KPNA4: variants seen among roughly 807,000 people sequenced by gnomAD.
KPNA4 encodes importin subunit alpha-3.
Under a neutral mutation model 71.3 loss-of-function variants are expected in KPNA4, and 13 were observed. That is an observed-to-expected ratio of 0.18 (90% CI 0.12 to 0.29). The LOEUF is 0.29. Among genes scored for constraint, KPNA4 ranks in the 10% least tolerant of loss-of-function variants. The probability of loss-of-function intolerance (pLI) is 1.00; values close to 1 mark genes in which losing one functional copy is unlikely to be tolerated. For synonymous variants in KPNA4, 189 were observed against 195.2 expected, an observed-to-expected ratio of 0.97 and a Z score of 0.26; for missense variants, 334 against 603.2, an observed-to-expected ratio of 0.55 and a Z score of 4.67.
intron 1 of KPNA4, among the ~76,000 whole-genome samples, chr3:160,542,732 G>A (rs1393086003): frequency 6.6e-6 from 1 of 152,134 alleles, no homozygotes; most frequent in Non-Finnish European, 1.5e-5. Flanking sequence ...TTTAAGAAGT[G>A]ATAAGATTAA....
intron 5 of KPNA4, among the ~76,000 whole-genome samples, chr3:160,534,639 C>T (rs1721645058): frequency 1.4e-5 from 2 of 142,206 alleles, no homozygotes; most frequent in Non-Finnish European, 3.0e-5. Flanking sequence ...AATGCTTGAA[C>T]CCGGGAGGCA....
At chr3:160,540,263 T>C (rs1329690471) in intron 1 of KPNA4, among the ~76,000 whole-genome samples, 1 of 152,122 alleles carries the variant, frequency 6.6e-6, no homozygotes, top group African/African-American at 2.4e-5. Flanking sequence ...CCTCCCAAAG[T>C]GCTGGGATTA....
chr3:160,559,534 A>C (rs1722203262), intron 1 of KPNA4, among the ~76,000 whole-genome samples: 1 of 152,210 alleles, frequency 6.6e-6, no homozygotes, highest in Non-Finnish European at 1.5e-5. Context: ...GTTACATCTG[A>C]AGTGCAAGAC....
rs756310133 is a variant in KPNA4, at chr3:160,565,194, G to T, written c.69+20C>A. 32 of 1,584,968 alleles carry T rather than the reference G, an allele frequency of 2.0e-5. No homozygotes were observed. In the East Asian group the frequency reaches 6.9e-4, roughly 34 times the overall value. Reference sequence around the variant, plus strand: ...CCAGGCCCACAGCCCCCACCCCTCCGGCGTCGTCCCCGAGTTTACCTCCAA... The same window carrying T: ...CCAGGCCCACAGCCCCCACCCCTCCTGCGTCGTCCCCGAGTTTACCTCCAA... On this transcript the variant is annotated intron_variant, in intron 1 of 16. Coordinates refer to ENST00000334256, the MANE Select transcript of KPNA4 (RefSeq NM_002268.5).
In KPNA4 at chr3:160,515,474, T is replaced by A; in HGVS notation, c.1010A>T (p.His337Leu). Residue 337 changes from histidine (H) to leucine (L), a missense_variant, in exon 12 of 17, where the codon CAT (histidine) becomes CTT (leucine). Coordinates refer to ENST00000334256, the MANE Select transcript of KPNA4 (RefSeq NM_002268.5). ...TACTTTATTAATTTTCTCTTTGGGA[T>A]GTGTCAGGAGTGCTGGGAAGTGTGA... The part of the protein sequence containing the change: ...ALSHFPALLT[H>L]PKEKINKEAV... 6 of 1,613,764 alleles carry A rather than the reference T, an allele frequency of 3.7e-6. No individual in the cohort carries two copies. The highest frequency in any genetic ancestry group is 5.1e-6 in the Non-Finnish European group (6 of 1,179,704).
Position 160,531,444 on chromosome 3 carries a change from AAT to A in KPNA4, c.383+16_383+17del, listed in dbSNP as rs748704926. The A allele has an allele frequency of 2.2e-5, 29 of 1,310,588 alleles. No individual in the cohort carries two copies. Among genetic ancestry groups the A allele is most frequent in the Non-Finnish European group, 2.8e-5 (27 of 958,524 alleles). 81.2% of individuals were successfully genotyped at this position (1,310,588 alleles called of 1,614,324 possible). A position where few individuals can be genotyped will look rare whatever the true frequency, so the allele number is the denominator to read the frequency against. On this transcript the variant is annotated intron_variant, in intron 6 of 16. Transcript: ENST00000334256. ...ATACATTCTAAATTAAAAAAAAAAAAATAAATAATGTACTCACTTGTCATCTC... is the reference window on the plus strand; with the variant it reads ...ATACATTCTAAATTAAAAAAAAAAAAAAATAATGTACTCACTTGTCATCTC...
rs1720736529 is a variant in KPNA4, at chr3:160,495,414, A to G, written c.*6690T>C. 1 of 152,166 alleles carries G rather than the reference A, an allele frequency of 6.6e-6. No individual in the cohort carries two copies. The highest frequency in any genetic ancestry group is 2.1e-4 in the South Asian group (1 of 4,830). 9.4% of individuals were successfully genotyped at this position (152,166 alleles called of 1,614,324 possible). A position where few individuals can be genotyped will look rare whatever the true frequency, so the allele number is the denominator to read the frequency against. On this transcript the variant is annotated 3_prime_UTR_variant, in exon 17 of 17. Transcript: ENST00000334256. The stretch of plus-strand genomic sequence containing the variant: ...CAAAAAGAAAACAGGGATAGAGATA[A>G]TGGGTAAAAACTTTTTAGTATTCTT...
At position 160,531,464 on chromosome 3, in the gene KPNA4, G is replaced by T; in HGVS notation, c.381C>A (p.Asp127Glu). The T allele has an allele frequency of 2.0e-6, 3 of 1,472,056 alleles. No individual in the cohort carries two copies. Among genetic ancestry groups the T allele is most frequent in the Non-Finnish European group, 2.8e-6 (3 of 1,082,096 alleles). 91.2% of individuals were successfully genotyped at this position (1,472,056 alleles called of 1,614,324 possible). A position where few individuals can be genotyped will look rare whatever the true frequency, so the allele number is the denominator to read the frequency against. ...AAAAAAATAAATAATGTACTCACTT[G>T]TCATCTCTTTCAAGACAATGGACTA... Reference protein sequence around the residue: ...PILVHCLERDDNPSLQFEAAW... With the variant: ...PILVHCLERDENPSLQFEAAW... Residue 127 changes from aspartate to glutamate, a missense_variant and splice_region_variant, in exon 6 of 17, where the codon GAC becomes GAA. Transcript: ENST00000334256.
intron 1 of KPNA4, among the ~76,000 whole-genome samples, chr3:160,548,124 A>G (rs1345954622): frequency 1.3e-5 from 2 of 151,980 alleles, no homozygotes; most frequent in East Asian, 3.8e-4. Context: ...TGATTGTACC[A>G]TTTTGCCTTC....
intron 13 of KPNA4, among the ~76,000 whole-genome samples, chr3:160,512,746 C>T (rs779232651): frequency 1.3e-5 from 2 of 151,970 alleles, no homozygotes; most frequent in Non-Finnish European, 2.9e-5. Flanking sequence ...GCGCAAGAAT[C>T]GCCTAAACCC....
intron 1 of KPNA4, among the ~76,000 whole-genome samples, chr3:160,549,384 A>AAC: frequency 6.6e-6 from 1 of 151,854 alleles, no homozygotes; most frequent in Non-Finnish European, 1.5e-5. Context: ...AACTTTCTCT[A>AAC]TTTTCTTCTA....
chr3:160,502,227 TG>T, intron 16 of KPNA4, 25 bp from the exon 17 acceptor site: 1 of 1,300,956 alleles, frequency 7.7e-7, no homozygotes, highest in Non-Finnish European at 1.1e-6. Context: ...AGAAAAAGAA[TG>T]TGATAATTAG....
At chr3:160,538,494 G>A (rs1721734428) in intron 1 of KPNA4, among the ~76,000 whole-genome samples, 1 of 152,028 alleles carries the variant, frequency 6.6e-6, no homozygotes, top group African/African-American at 2.4e-5. Flanking sequence ...TAAATTCCAG[G>A]GGCCCTCCTG....
intron 1 of KPNA4, 85 bp downstream of exon 1, chr3:160,565,129 C>A (rs1261900814): frequency 2.1e-5 from 25 of 1,170,958 alleles, no homozygotes; most frequent in Non-Finnish European, 2.9e-5. Context: ...GCGGCTCCCG[C>A]CCCTAATCCC....
intron 10 of KPNA4, among the ~76,000 whole-genome samples, chr3:160,522,848 CA>C (rs1390670940): frequency 4.6e-5 from 6 of 131,330 alleles, no homozygotes; most frequent in South Asian, 4.9e-4. Context: ...GTAATTAAAA[CA>C]AAAAATACGT....
In KPNA4 at chr3:160,565,427, T is replaced by A; in HGVS notation, c.-145A>T. On this transcript the variant is annotated 5_prime_UTR_variant, in exon 1 of 17. Coordinates refer to ENST00000334256, the MANE Select transcript of KPNA4 (RefSeq NM_002268.5). ...CGCTTCCTTCCTCCTCTCACCTGCC[T>A]CCGCCGCGGCCTTCTCCTCTCCCCG... The A allele has an allele frequency of 1.5e-6, 1 of 646,626 alleles. No homozygotes were observed. The highest frequency in any genetic ancestry group is 2.7e-6 in the Non-Finnish European group (1 of 375,308). The allele number at this position is 646,626 out of a possible 1,614,324, so 40.1% of individuals were successfully genotyped here. A position where few individuals can be genotyped will look rare whatever the true frequency, so the allele number is the denominator to read the frequency against.
intron 1 of KPNA4, among the ~76,000 whole-genome samples, chr3:160,563,720 C>G (rs1196201774): frequency 6.6e-6 from 1 of 152,070 alleles, no homozygotes; most frequent in Admixed American, 6.5e-5. Flanking sequence ...TCACCACATT[C>G]TTTCATAAAC....
intron 1 of KPNA4, 100 bp from the exon 2 acceptor site, chr3:160,536,940 C>A: frequency 1.7e-6 from 1 of 580,788 alleles, no homozygotes. Context: ...CTAATCTTTT[C>A]TTTTAGCCAT....
At chr3:160,543,865 T>C (rs1721853748) in intron 1 of KPNA4, among the ~76,000 whole-genome samples, 2 of 152,090 alleles carry the variant, frequency 1.3e-5, no homozygotes, top group South Asian at 4.2e-4. Context: ...CTTGACCTTT[T>C]TTTTTTCCCA....
Sources: gnomAD v4.1 joint callset for allele counts (sites outside exome capture counted in the v4.1 genomes callset) on GRCh38, gnomAD v4.1.1 for gene constraint, MANE v1.5 for transcripts, NCBI Gene and HGNC (gene_info 2026-07-23, HGNC 2026-07-21) for gene names.